The following FAM168A variants were observed in gnomAD, a reference collection of about 807,000 sequenced individuals.
The protein encoded by FAM168A is family with sequence similarity 168 member A.
FAM168A carries 3 observed loss-of-function variants against 28.5 expected under a neutral mutation model. The observed-to-expected ratio is 0.11, with a 90% CI of 0.05 to 0.27. The LOEUF (loss-of-function observed/expected upper bound fraction) is 0.27. Ranked by LOEUF, FAM168A falls within the 10% of genes least tolerant of loss-of-function variation. The probability of loss-of-function intolerance (pLI) is 1.00; values close to 1 mark genes in which losing one functional copy is unlikely to be tolerated. For missense variants in FAM168A, 222 were observed against 311.5 expected (o/e 0.71, Z 2.16); for synonymous variants, 122 against 124.2 (o/e 0.98, Z 0.12).
intron 1 of FAM168A, among the ~76,000 whole-genome samples, chr11:73,571,433 A>G (rs1944088245): frequency 6.6e-6 from 1 of 151,592 alleles, no homozygotes; most frequent in African/African-American, 2.4e-5. Flanking sequence ...TTTTTGGTGG[A>G]GACGGGGTTT....
Position 73,564,646 on chromosome 11 carries a change from G to A in FAM168A, c.-19+33277C>T, listed in dbSNP as rs369238188. Among the ~76,000 whole-genome samples the A allele has an allele frequency of 1.6e-4, 25 of 151,682 alleles. No homozygotes were observed. The East Asian group carries it at 4.6e-3, about 28-fold the overall frequency. ...TAGTCCCAGCTACTCAGGAGGCTGA[G>A]GCAGGAGAATGGAATGAACCCAGGA... On this transcript the variant is annotated intron_variant, in intron 1 of 7. Transcript: ENST00000356467.
At chr11:73,507,141 T>C (rs961746402) in intron 1 of FAM168A, among the ~76,000 whole-genome samples, 2 of 152,214 alleles carry the variant, frequency 1.3e-5, no homozygotes, top group African/African-American at 2.4e-5. Flanking sequence ...ACTACTCAGT[T>C]AGAGACTTTT....
chr11:73,408,780 C>CAAAAA (rs61669430), intron 6 of FAM168A, among the ~76,000 whole-genome samples: 3 of 97,410 alleles, frequency 3.1e-5, no homozygotes, highest in Non-Finnish European at 4.2e-5. Context: ...GACCCTGTCT[C>CAAAAA]AAAAAAAAAA....
chr11:73,506,473 G>C (rs1855119420), intron 1 of FAM168A, among the ~76,000 whole-genome samples: 1 of 151,894 alleles, frequency 6.6e-6, no homozygotes, highest in Non-Finnish European at 1.5e-5. Flanking sequence ...TATTTTCTCT[G>C]TATGTTTTGC....
intron 4 of FAM168A, among the ~76,000 whole-genome samples, chr11:73,418,608 A>G (rs1379696788): frequency 6.6e-6 from 1 of 152,254 alleles, no homozygotes; most frequent in Non-Finnish European, 1.5e-5. Flanking sequence ...CTTCTAGTCT[A>G]CTTACTTAGT....
intron 1 of FAM168A, among the ~76,000 whole-genome samples, chr11:73,486,952 T>C (rs1868060949): frequency 6.6e-6 from 1 of 152,204 alleles, no homozygotes; most frequent in Admixed American, 6.5e-5. Flanking sequence ...AAGTAGTATG[T>C]TTTCAGTATT....
chr11:73,543,489 G>A (rs891011355), intron 1 of FAM168A, among the ~76,000 whole-genome samples: 3 of 151,940 alleles, frequency 2.0e-5, no homozygotes, highest in Non-Finnish European at 2.9e-5. Context: ...TCAAACTCCC[G>A]ACTTCAGGTG....
intron 1 of FAM168A, among the ~76,000 whole-genome samples, chr11:73,535,715 C>T (rs1943570589): frequency 7.6e-6 from 1 of 130,836 alleles, no homozygotes; most frequent in South Asian, 2.6e-4. Context: ...CACCGCACCT[C>T]ACCCTTCTTT....
intron 1 of FAM168A, among the ~76,000 whole-genome samples, chr11:73,580,085 G>A (rs1944225410): frequency 6.6e-6 from 1 of 152,102 alleles, no homozygotes; most frequent in East Asian, 1.9e-4. Context: ...TCTGGTTTGG[G>A]TAAGAAAACT....
intron 5 of FAM168A, chr11:73,410,777 C>T (rs986113607): frequency 1.3e-5 from 2 of 152,220 alleles, no homozygotes; most frequent in African/African-American, 4.8e-5. Flanking sequence ...CCTATAGAGT[C>T]ACTCCAGAAG....
In FAM168A at chr11:73,400,933, G is replaced by C. The variant is rs1362471323; in HGVS notation, c.*5830C>G. ...TTCAAAACAAAACAAAAACCCAAAA[G>C]AATCCAAAACAACAAAACAAAACCA... On this transcript the variant is annotated 3_prime_UTR_variant, in exon 8 of 8. Transcript: ENST00000356467. 1.3e-5 allele frequency: 2 copies of C among 151,852 alleles called. No homozygotes were observed. Among genetic ancestry groups the C allele is most frequent in the African/African-American group, 4.8e-5 (2 of 41,346 alleles). 9.4% of individuals were successfully genotyped at this position (151,852 alleles called of 1,614,324 possible).
At chr11:73,433,923 G>A (rs1345079146) in intron 2 of FAM168A, among the ~76,000 whole-genome samples, 1 of 137,004 alleles carries the variant, frequency 7.3e-6, no homozygotes, top group African/African-American at 2.8e-5. Context: ...TTGGCTCACT[G>A]CAACCTCTGC....
intron 2 of FAM168A, among the ~76,000 whole-genome samples, chr11:73,460,451 G>A (rs1188985676): frequency 6.6e-6 from 1 of 151,208 alleles, no homozygotes; most frequent in Non-Finnish European, 1.5e-5. Context: ...CACTGTGCTA[G>A]GTACTGGGGA....
intron 2 of FAM168A, among the ~76,000 whole-genome samples, chr11:73,466,954 C>A (rs879725659): frequency 2.6e-5 from 4 of 151,622 alleles, no homozygotes; most frequent in Non-Finnish European, 4.4e-5. Flanking sequence ...AAAGTTGGGA[C>A]CTTGGAGGAG....
At chr11:73,534,744 G>A (rs1943556257) in intron 1 of FAM168A, among the ~76,000 whole-genome samples, 1 of 152,044 alleles carries the variant, frequency 6.6e-6, no homozygotes, top group South Asian at 2.1e-4. Context: ...TAAAATCAGG[G>A]GAATTGATTA....
intron 1 of FAM168A, among the ~76,000 whole-genome samples, chr11:73,483,986 A>T (rs1018207508): frequency 2.0e-5 from 3 of 152,232 alleles, no homozygotes; most frequent in African/African-American, 7.2e-5. Flanking sequence ...ATTCAGAGCC[A>T]AACAGGGCTC....
chr11:73,496,917 GCACA>G (rs376951839), intron 1 of FAM168A, among the ~76,000 whole-genome samples: 102 of 129,414 alleles, frequency 7.9e-4, no homozygotes, highest in African/African-American at 3.5e-3. Flanking sequence ...GCACACACAC[GCACA>G]CACACACACA....
intron 4 of FAM168A, among the ~76,000 whole-genome samples, chr11:73,419,221 A>C (rs1374670682): frequency 1.3e-5 from 2 of 152,158 alleles, no homozygotes; most frequent in Non-Finnish European, 2.9e-5. Flanking sequence ...CCTCAGGATG[A>C]ATATGACCAG....
chr11:73,544,554 T>C (rs1230820845), intron 1 of FAM168A, among the ~76,000 whole-genome samples: 2 of 150,188 alleles, frequency 1.3e-5, no homozygotes, highest in South Asian at 2.1e-4. Context: ...GATAAACAAA[T>C]AAAAGGTGGC....
Sources: allele counts gnomAD v4.1 joint callset (sites outside exome capture counted in the v4.1 genomes callset), GRCh38; gene constraint gnomAD v4.1.1; transcripts MANE v1.5; gene names NCBI Gene and HGNC (gene_info 2026-07-23, HGNC 2026-07-21).